The following SLX4IP variants were observed in gnomAD, a reference collection of about 807,000 sequenced individuals.
The protein encoded by SLX4IP is protein SLX4IP.
SLX4IP carries 34 observed loss-of-function variants against 32.9 expected under a neutral mutation model. The observed-to-expected ratio is 1.03, with a 90% CI of 0.79 to 1.38. The LOEUF is 1.38. Ranked by LOEUF, SLX4IP falls within the 40% of genes most tolerant of loss-of-function variation. The probability of loss-of-function intolerance (pLI) is 0.00; values close to 1 mark genes in which losing one functional copy is unlikely to be tolerated. For missense variants in SLX4IP, 444 were observed against 479.0 expected (o/e 0.93, Z 0.68); for synonymous variants, 172 against 171.7 (o/e 1.00, Z -0.01).
intron 2 of SLX4IP, among the ~76,000 whole-genome samples, chr20:10,500,117 A>G (rs1464756056): frequency 7.7e-6 from 1 of 129,958 alleles, no homozygotes; most frequent in Admixed American, 7.9e-5. Context: ...TTATGATGTT[A>G]TGTGTCAAAA....
At chr20:10,538,608 C>T (rs778220617) in intron 2 of SLX4IP, among the ~76,000 whole-genome samples, 8 of 152,090 alleles carry the variant, frequency 5.3e-5, no homozygotes, top group Middle Eastern at 3.4e-3. Context: ...TCACTGCAAC[C>T]TCTGCCTCCT....
chr20:10,492,855 G>A (rs1405819321), intron 2 of SLX4IP, among the ~76,000 whole-genome samples: 2 of 152,092 alleles, frequency 1.3e-5, no homozygotes, highest in African/African-American at 4.8e-5. Context: ...CCGTTGAAGT[G>A]TAATGTTCCT....
chr20:10,620,076 G>T (rs2067090581), intron 6 of SLX4IP, among the ~76,000 whole-genome samples: 1 of 152,144 alleles, frequency 6.6e-6, no homozygotes, highest in South Asian at 2.1e-4. Context: ...AGGATAACCA[G>T]GCACGGTACT....
chr20:10,446,349 T>C (rs1335632017), intron 1 of SLX4IP, among the ~76,000 whole-genome samples: 1 of 150,290 alleles, frequency 6.7e-6, no homozygotes, highest in Non-Finnish European at 1.5e-5. Flanking sequence ...AGGGCAGAGG[T>C]TGCAGTGAGC....
intron 6 of SLX4IP, among the ~76,000 whole-genome samples, chr20:10,612,632 G>A (rs946121657): frequency 1.2e-4 from 18 of 151,972 alleles, no homozygotes; most frequent in Non-Finnish European, 1.8e-4. Flanking sequence ...CTCAACCTCC[G>A]TCTCCCAGGT....
intron 2 of SLX4IP, among the ~76,000 whole-genome samples, chr20:10,498,322 C>G (rs938204990): frequency 6.6e-6 from 1 of 151,980 alleles, no homozygotes; most frequent in Non-Finnish European, 1.5e-5. Context: ...AATCTGTTAG[C>G]AGAAGTTTTC....
At chr20:10,483,906 A>G (rs2065549303) in intron 2 of SLX4IP, among the ~76,000 whole-genome samples, 1 of 151,900 alleles carries the variant, frequency 6.6e-6, no homozygotes, top group Non-Finnish European at 1.5e-5. Context: ...GAGGAAAGGA[A>G]CATCCTTATC....
chr20:10,475,547 C>T (rs559361688), intron 2 of SLX4IP, among the ~76,000 whole-genome samples: 17 of 152,302 alleles, frequency 1.1e-4, no homozygotes, highest in Admixed American at 2.6e-4. Flanking sequence ...GGCAGCTTCA[C>T]TGTGGGCCTC....
chr20:10,448,689 C>T (rs1009739415), intron 1 of SLX4IP, among the ~76,000 whole-genome samples: 3 of 152,180 alleles, frequency 2.0e-5, no homozygotes, highest in Non-Finnish European at 2.9e-5. Context: ...AGCAGGCAGA[C>T]GACCCCGCTG....
chr20:10,564,664 TATATG>T (rs1244318864), intron 4 of SLX4IP, among the ~76,000 whole-genome samples: 1 of 152,216 alleles, frequency 6.6e-6, no homozygotes, highest in Non-Finnish European at 1.5e-5. Context: ...TTTTTCCAAT[TATATG>T]ATATAAAGGA....
At chr20:10,553,329 A>G (rs1454050542) in intron 2 of SLX4IP, among the ~76,000 whole-genome samples, 2 of 152,224 alleles carry the variant, frequency 1.3e-5, no homozygotes, top group East Asian at 3.8e-4. Flanking sequence ...CTTAATAAAC[A>G]AGGACATACA....
chr20:10,556,411 GA>G (rs1222083727), intron 3 of SLX4IP, 91 bp downstream of exon 3: 29 of 1,270,354 alleles, frequency 2.3e-5, no homozygotes, highest in African/African-American at 3.0e-5. Flanking sequence ...CTGTTAGTGG[GA>G]AAAAAATGTT....
intron 6 of SLX4IP, among the ~76,000 whole-genome samples, chr20:10,611,595 A>G (rs920155301): frequency 3.3e-5 from 5 of 152,142 alleles, no homozygotes; most frequent in African/African-American, 1.2e-4. Context: ...GAGGCTTGTT[A>G]GTTCAGTAGT....
chr20:10,561,835 TC>T (rs1410672935), intron 4 of SLX4IP, among the ~76,000 whole-genome samples: 1 of 152,220 alleles, frequency 6.6e-6, no homozygotes, highest in Non-Finnish European at 1.5e-5. Flanking sequence ...ATTAATTCAT[TC>T]CTTTTTATGG....
At chr20:10,571,751 G>T (rs995836622) in intron 4 of SLX4IP, among the ~76,000 whole-genome samples, 1 of 152,272 alleles carries the variant, frequency 6.6e-6, no homozygotes, top group African/African-American at 2.4e-5. Flanking sequence ...TAAATGAATT[G>T]TTACGGCTCA....
At chr20:10,488,997 T>C (rs2065597384) in intron 2 of SLX4IP, among the ~76,000 whole-genome samples, 1 of 152,188 alleles carries the variant, frequency 6.6e-6, no homozygotes, top group Non-Finnish European at 1.5e-5. Flanking sequence ...TGTCATTTCA[T>C]GAATTTTCCT....
At chr20:10,527,253 G>A (rs1014734970) in intron 2 of SLX4IP, among the ~76,000 whole-genome samples, 4 of 152,110 alleles carry the variant, frequency 2.6e-5, no homozygotes, top group African/African-American at 9.7e-5. Context: ...TCGCCCATGA[G>A]GGTCCTAACT....
intron 4 of SLX4IP, among the ~76,000 whole-genome samples, chr20:10,579,405 GTTTCTTTTTTTTCTTTTCTTT>G (rs1014830932): frequency 2.0e-5 from 3 of 151,666 alleles, no homozygotes; most frequent in African/African-American, 4.8e-5. Flanking sequence ...TCTCAATTCT[GTTTCTTTTTTTTCTTTTCTTT>G]TTTCTTTTTT....
At chr20:10,545,566 G>A (rs1015556336) in intron 2 of SLX4IP, among the ~76,000 whole-genome samples, 1 of 152,214 alleles carries the variant, frequency 6.6e-6, no homozygotes, top group Non-Finnish European at 1.5e-5. Flanking sequence ...GGATTGAGCA[G>A]AGAGTACCTG....
Sources: allele counts gnomAD v4.1 joint callset (sites outside exome capture counted in the v4.1 genomes callset), GRCh38; gene constraint gnomAD v4.1.1; transcripts MANE v1.5; gene names NCBI Gene and HGNC (gene_info 2026-07-23, HGNC 2026-07-21).